ARHGEF4: variants seen among roughly 807,000 people sequenced by gnomAD.
The protein encoded by ARHGEF4 is Rho guanine nucleotide exchange factor 4.
In ARHGEF4, 119 loss-of-function variants were observed where a neutral mutation model predicts 162.0. That is an observed-to-expected ratio of 0.73 (90% confidence interval 0.63 to 0.86). ARHGEF4 has a LOEUF of 0.86. Ranked by LOEUF, ARHGEF4 falls within the 40% of genes least tolerant of loss-of-function variation. The probability of loss-of-function intolerance (pLI) is 0.00; values close to 1 mark genes in which losing one functional copy is unlikely to be tolerated. For missense variants in ARHGEF4, 2,488 were observed against 2,456.0 expected (o/e 1.01, Z -0.28); for synonymous variants, 1,014 against 979.9 (o/e 1.03, Z -0.65).
Position 130,882,178 on chromosome 2 carries a change from G to A in ARHGEF4, c.40-31808G>A, listed in dbSNP as rs563663736. ...GGGCTGTTTGTTTGTTCGTCTTTGA[G>A]AAAGGGTCTCAACAGGTCCTGGACA... On this transcript the variant is annotated intron_variant, in intron 1 of 13. Coordinates refer to ENST00000409359, the MANE Select transcript of ARHGEF4 (RefSeq NM_001367493.1). 5.2e-4 allele frequency among the ~76,000 whole-genome samples: 79 copies of A among 152,236 alleles called. 1 individual carries two copies. The highest frequency in any genetic ancestry group is 1.9e-3 in the African/African-American group (77 of 41,506).
intron 1 of ARHGEF4, among the ~76,000 whole-genome samples, chr2:130,849,618 G>A (rs563818008): frequency 3.9e-4 from 59 of 151,614 alleles, no homozygotes; most frequent in African/African-American, 1.4e-3. Context: ...ACCCAGGCTG[G>A]AGTGCAGTGG....
chr2:130,888,998 G>T (rs1421111403), intron 1 of ARHGEF4, among the ~76,000 whole-genome samples: 1 of 151,696 alleles, frequency 6.6e-6, no homozygotes, highest in African/African-American at 2.4e-5. Flanking sequence ...CCAGCTACTC[G>T]GGAGGCTGAG....
At chr2:130,903,584 C>T (rs1276507975) in intron 1 of ARHGEF4, among the ~76,000 whole-genome samples, 1 of 152,124 alleles carries the variant, frequency 6.6e-6, no homozygotes, top group Admixed American at 6.6e-5. Flanking sequence ...CCAAGCTGTA[C>T]ATGTACAGGT....
chr2:130,968,723 G>T (rs1435519617), intron 4 of ARHGEF4, among the ~76,000 whole-genome samples: 2 of 152,090 alleles, frequency 1.3e-5, no homozygotes, highest in Admixed American at 1.3e-4. Flanking sequence ...TTTGAGACCA[G>T]CCCGGCCAAA....
At chr2:130,999,219 C>T (rs1489672462) in intron 4 of ARHGEF4, among the ~76,000 whole-genome samples, 2 of 145,648 alleles carry the variant, frequency 1.4e-5, no homozygotes, top group Admixed American at 7.0e-5. Context: ...AGTGCAGTGG[C>T]GCGATCTTGG....
At chr2:130,977,702 GT>G (rs367877300) in intron 4 of ARHGEF4, among the ~76,000 whole-genome samples, 15 of 151,482 alleles carry the variant, frequency 9.9e-5, no homozygotes, top group African/African-American at 1.7e-4. Flanking sequence ...GTGCAAACGT[GT>G]TTTTTTTGCA....
intron 4 of ARHGEF4, among the ~76,000 whole-genome samples, chr2:130,997,203 G>C (rs989821332): frequency 6.6e-6 from 1 of 152,106 alleles, no homozygotes; most frequent in African/African-American, 2.4e-5. Flanking sequence ...GTGTGTTGAT[G>C]GGGATCCAGC....
rs534148579 is a variant in ARHGEF4, at chr2:130,994,864, A to C, written c.3986-33081A>C. On this transcript the variant is annotated intron_variant, in intron 4 of 13. Transcript: ENST00000409359. ...GTGGACTCTTTATAGATGCCATTAC[A>C]TTGTGTTCTGATTTCCATTGCTTCT... Among the ~76,000 whole-genome samples the C allele has an allele frequency of 3.3e-4, 51 of 152,292 alleles. No homozygotes were observed. In the South Asian group the frequency reaches 0.01, roughly 30 times the overall value.
At chr2:130,856,911 A>G (rs1681830062) in intron 1 of ARHGEF4, among the ~76,000 whole-genome samples, 1 of 152,236 alleles carries the variant, frequency 6.6e-6, no homozygotes, top group African/African-American at 2.4e-5. Context: ...GAAGGAAATG[A>G]AGAGAATGGG....
chr2:131,011,597 C>T lies in ARHGEF4; in HGVS notation c.3986-16348C>T, dbSNP rs1007130656. Reference sequence around the variant, plus strand: ...TTGGACAGCATTTCATGCTATTAATCCCCCCATTGGTCGTTCCTGGTAGCT... The same window carrying T: ...TTGGACAGCATTTCATGCTATTAATTCCCCCATTGGTCGTTCCTGGTAGCT... On this transcript the variant is annotated intron_variant, in intron 4 of 13. Transcript: ENST00000409359. 2.0e-6 allele frequency: 3 copies of T among 1,517,406 alleles called. No individual in the cohort carries two copies. In the Admixed American group the frequency reaches 6.0e-5, roughly 30 times the overall value. 94.0% of individuals were successfully genotyped at this position (1,517,406 alleles called of 1,614,324 possible).
At chr2:130,901,613 C>T (rs144310439) in intron 1 of ARHGEF4, among the ~76,000 whole-genome samples, 2,618 of 152,032 alleles carry the variant, frequency 0.017, 30 homozygotes, top group Non-Finnish European at 0.027. Context: ...CTCTGCCTCC[C>T]GGGTTCAAGT....
chr2:130,896,746 C>G (rs557590473), intron 1 of ARHGEF4, among the ~76,000 whole-genome samples: 1 of 152,312 alleles, frequency 6.6e-6, no homozygotes, highest in South Asian at 2.1e-4. Context: ...AGGACCAGGG[C>G]TGGCCTAGAA....
Position 130,942,797 on chromosome 2 carries a change from A to G in ARHGEF4, c.3859-3712A>G, listed in dbSNP as rs146920646. Among the ~76,000 whole-genome samples the G allele has an allele frequency of 1.9e-3, 287 of 152,360 alleles. 3 individuals are homozygous for G. The highest frequency in any genetic ancestry group is 6.6e-3 in the African/African-American group (274 of 41,570). On this transcript the variant is annotated intron_variant, in intron 3 of 13. Coordinates refer to ENST00000409359, the MANE Select transcript of ARHGEF4 (RefSeq NM_001367493.1). Reference sequence around the variant, plus strand: ...TTTAATTCCATTGTGATAGAGAAACATACTTTGTATGATTTCATACTTTCA... The same window carrying G: ...TTTAATTCCATTGTGATAGAGAAACGTACTTTGTATGATTTCATACTTTCA...
intron 4 of ARHGEF4, among the ~76,000 whole-genome samples, chr2:130,994,636 A>G (rs1047220039): frequency 1.3e-5 from 2 of 152,036 alleles, no homozygotes; most frequent in African/African-American, 4.8e-5. Context: ...ATCGCTCTTC[A>G]TTGCTTCCTG....
At chr2:130,942,750 CCTTT>C (rs1241158287) in intron 3 of ARHGEF4, among the ~76,000 whole-genome samples, 5 of 152,102 alleles carry the variant, frequency 3.3e-5, no homozygotes, top group African/African-American at 9.7e-5. Flanking sequence ...AATAGAATTA[CCTTT>C]CTATTACTGA....
intron 2 of ARHGEF4, among the ~76,000 whole-genome samples, chr2:130,921,136 A>G (rs75671077): frequency 3.3e-4 from 50 of 152,274 alleles, no homozygotes; most frequent in African/African-American, 1.2e-3. Flanking sequence ...GGTTTATATA[A>G]ACAAAATCTT....
intron 4 of ARHGEF4, among the ~76,000 whole-genome samples, chr2:130,953,870 T>G (rs1484109276): frequency 6.6e-6 from 1 of 152,166 alleles, no homozygotes; most frequent in Non-Finnish European, 1.5e-5. Flanking sequence ...CTCACACCAG[T>G]TAGAATGGCA....
chr2:130,895,346 G>C (rs1386740270), intron 1 of ARHGEF4, among the ~76,000 whole-genome samples: 1 of 152,190 alleles, frequency 6.6e-6, no homozygotes, highest in Admixed American at 6.5e-5. Context: ...CATTTGGGTT[G>C]TGGCCAGTTT....
At chr2:130,982,098 A>T (rs1263935825) in intron 4 of ARHGEF4, among the ~76,000 whole-genome samples, 3 of 152,088 alleles carry the variant, frequency 2.0e-5, no homozygotes, top group African/African-American at 7.2e-5. Context: ...TCCTGGGTTC[A>T]AGCAATTCCC....
Sources: gnomAD v4.1 joint callset for allele counts (sites outside exome capture counted in the v4.1 genomes callset) on GRCh38, gnomAD v4.1.1 for gene constraint, MANE v1.5 for transcripts, NCBI Gene and HGNC (gene_info 2026-07-23, HGNC 2026-07-21) for gene names.